The following NXPE2 variants were observed in gnomAD, a reference collection of about 807,000 sequenced individuals.
NXPE2 encodes the protein neurexophilin and PC-esterase domain family member 2, also known as NXPE family member 2.
Under a neutral mutation model 34.4 loss-of-function variants are expected in NXPE2, and 34 were observed. The ratio of observed to expected loss-of-function variants is 0.99; its 90% CI spans 0.75 to 1.31. The LOEUF is 1.31. Among genes scored for constraint, NXPE2 ranks in the 40% most tolerant of loss-of-function variants. The pLI is 0.00. For missense variants in NXPE2, 649 were observed against 672.5 expected (o/e 0.97, Z 0.39); for synonymous variants, 235 against 231.3 (o/e 1.02, Z -0.15).
the NXPE2 span, among the ~76,000 whole-genome samples, chr11:114,608,201 C>T: frequency 8.6e-5 from 13 of 151,126 alleles, no homozygotes; most frequent in Non-Finnish European, 1.2e-4. Flanking sequence ...CATGGTTACC[C>T]GGTGGATAAT....
At chr11:114,683,448 G>C (rs1467838539) in intron 2 of NXPE2, among the ~76,000 whole-genome samples, 1 of 142,690 alleles carries the variant, frequency 7.0e-6, no homozygotes, top group African/African-American at 2.6e-5. Flanking sequence ...TTGAGATGGA[G>C]TCTTGCTCTG....
chr11:114,600,445 AAATGCT>A, the NXPE2 span, among the ~76,000 whole-genome samples: 1 of 152,188 alleles, frequency 6.6e-6, no homozygotes, highest in African/African-American at 2.4e-5. Context: ...AATAAGACAC[AAATGCT>A]GTACTGAGAA....
chr11:114,716,966 C>A, the NXPE2 span, among the ~76,000 whole-genome samples: 1 of 152,106 alleles, frequency 6.6e-6, no homozygotes, highest in Non-Finnish European at 1.5e-5. Flanking sequence ...CCAAATCCAG[C>A]CTGCAGCCTG....
the NXPE2 span, among the ~76,000 whole-genome samples, chr11:114,647,070 G>A: frequency 6.6e-6 from 1 of 152,232 alleles, no homozygotes; most frequent in East Asian, 1.9e-4. Context: ...CTTGCAATGT[G>A]CCCTAAATCC....
chr11:114,657,661 T>A, the NXPE2 span, among the ~76,000 whole-genome samples: 163 of 152,314 alleles, frequency 1.1e-3, no homozygotes, highest in African/African-American at 3.8e-3. Flanking sequence ...TTCTTTATAA[T>A]TTTTATATTT....
chr11:114,610,389 G>A, the NXPE2 span, among the ~76,000 whole-genome samples: 17 of 151,862 alleles, frequency 1.1e-4, no homozygotes, highest in Admixed American at 2.6e-4. Context: ...TGCCTCGTGG[G>A]TAACCACTGT....
chr11:114,591,857 T>C, the NXPE2 span, among the ~76,000 whole-genome samples: 2 of 152,200 alleles, frequency 1.3e-5, no homozygotes, highest in African/African-American at 4.8e-5. Context: ...ATCTGAGATA[T>C]TGACCAGGGT....
the NXPE2 span, among the ~76,000 whole-genome samples, chr11:114,489,892 C>A: frequency 2.0e-5 from 3 of 152,152 alleles, no homozygotes; most frequent in African/African-American, 7.2e-5. Context: ...AAAGGGCATT[C>A]AATTAGGAAA....
chr11:114,693,883 G>A (rs1951199493), intron 2 of NXPE2, among the ~76,000 whole-genome samples: 1 of 152,196 alleles, frequency 6.6e-6, no homozygotes, highest in Non-Finnish European at 1.5e-5. Context: ...CACAAATTTA[G>A]TGGCTTAAAC....
chr11:114,768,572 CCT>C, the NXPE2 span, among the ~76,000 whole-genome samples: 3 of 152,140 alleles, frequency 2.0e-5, no homozygotes, highest in Non-Finnish European at 4.4e-5. Context: ...TTGTTTGTGT[CCT>C]CTCTTATTTC....
chr11:114,561,801 A>T, the NXPE2 span, among the ~76,000 whole-genome samples: 14 of 152,184 alleles, frequency 9.2e-5, no homozygotes, highest in Non-Finnish European at 2.1e-4. Flanking sequence ...ATGGCCCATT[A>T]GACCTGAGAT....
chr11:114,599,526 A>G, the NXPE2 span, among the ~76,000 whole-genome samples: 13 of 152,286 alleles, frequency 8.5e-5, no homozygotes, highest in Admixed American at 3.9e-4. Context: ...CGCTGCTATA[A>G]AAATATTTGA....
chr11:114,796,521 A>G, the NXPE2 span, among the ~76,000 whole-genome samples: 2 of 151,986 alleles, frequency 1.3e-5, no homozygotes, highest in Non-Finnish European at 2.9e-5. Flanking sequence ...CTGAAATTCA[A>G]AAAAAAATCT....
the NXPE2 span, among the ~76,000 whole-genome samples, chr11:114,763,731 G>A: frequency 6.6e-6 from 1 of 152,158 alleles, no homozygotes; most frequent in Admixed American, 6.5e-5. Context: ...GGGAGGAGTT[G>A]ACCATGCTAC....
intron 2 of NXPE2, 122 bp downstream of exon 2, chr11:114,679,884 CAG>C (rs1950919725): frequency 3.3e-6 from 2 of 604,822 alleles, no homozygotes; most frequent in Admixed American, 2.8e-5. Context: ...GAATGTGGAT[CAG>C]GGGTTCACTG....
At chr11:114,781,606 A>G in the NXPE2 span, among the ~76,000 whole-genome samples, 1 of 152,144 alleles carries the variant, frequency 6.6e-6, no homozygotes, top group African/African-American at 2.4e-5. Flanking sequence ...GACCAGGGGC[A>G]AGGGCACAGT....
At chr11:114,811,411 G>T in the NXPE2 span, among the ~76,000 whole-genome samples, 1 of 152,048 alleles carries the variant, frequency 6.6e-6, no homozygotes. Flanking sequence ...AAAAGGTAGG[G>T]ATAGGGGGTG....
the NXPE2 span, among the ~76,000 whole-genome samples, chr11:114,659,575 T>TCAAGGGACAAATAAGAACTTCTACATAAC: frequency 6.6e-6 from 1 of 152,028 alleles, no homozygotes; most frequent in South Asian, 2.1e-4. Context: ...TTCTACATAA[T>TCAAGGGACAAATAAGAACTTCTACATAAC]TCAAGGGACA....
chr11:114,785,665 C>T, the NXPE2 span, among the ~76,000 whole-genome samples: 2 of 152,082 alleles, frequency 1.3e-5, no homozygotes, highest in African/African-American at 4.8e-5. Flanking sequence ...TGTCGCTGGC[C>T]TAATTGATTA....
Sources: allele counts gnomAD v4.1 joint callset (sites outside exome capture counted in the v4.1 genomes callset), GRCh38; gene constraint gnomAD v4.1.1; transcripts MANE v1.5; gene names NCBI Gene and HGNC (gene_info 2026-07-23, HGNC 2026-07-21).